The following NHSL1 variants were observed in gnomAD, a reference collection of about 807,000 sequenced individuals.
NHSL1 encodes NHS like 1.
NHSL1 carries 48 observed loss-of-function variants against 95.0 expected under a neutral mutation model. The observed-to-expected ratio is 0.51, with a 90% CI of 0.40 to 0.64. NHSL1 has a LOEUF of 0.64. Ranked by LOEUF, NHSL1 falls within the 30% of genes least tolerant of loss-of-function variation. NHSL1 has a pLI of 0.00. For synonymous variants in NHSL1, 783 were observed against 833.9 expected (o/e 0.94, Z 1.05); for missense variants, 1,971 against 2,077.7 (o/e 0.95, Z 1.00).
intron 1 of NHSL1, among the ~76,000 whole-genome samples, chr6:138,670,957 C>T (rs7745611): frequency 0.47 from 71,108 of 151,664 alleles, 18,364 homozygotes; most frequent in African/African-American, 0.69. Flanking sequence ...GAGTTCAAGA[C>T]GAGCAACACA....
chr6:138,510,049 T>C (rs1277580001), intron 1 of NHSL1, among the ~76,000 whole-genome samples: 1 of 152,174 alleles, frequency 6.6e-6, no homozygotes, highest in Non-Finnish European at 1.5e-5. Context: ...TGAAGGCAAA[T>C]CAGATTTATC....
At chr6:138,650,645 TTCCCA>T (rs1785079334) in intron 1 of NHSL1, 1 of 568,004 alleles carries the variant, frequency 1.8e-6, no homozygotes, top group Non-Finnish European at 3.5e-6. Context: ...TATCCTTGGC[TTCCCA>T]TCCCACAAAC....
chr6:138,458,530 T>C (rs552732601), intron 3 of NHSL1, among the ~76,000 whole-genome samples: 3 of 151,952 alleles, frequency 2.0e-5, no homozygotes, highest in Admixed American at 2.0e-4. Context: ...CCATCTCTAC[T>C]AAAAGTACAA....
chr6:138,675,424 G>A (rs776571986), intron 1 of NHSL1, among the ~76,000 whole-genome samples: 16 of 152,170 alleles, frequency 1.1e-4, no homozygotes, highest in Non-Finnish European at 2.1e-4. Flanking sequence ...GACGAGGTCA[G>A]GGTCACACAG....
intron 1 of NHSL1, among the ~76,000 whole-genome samples, chr6:138,674,180 T>C (rs1235820294): frequency 6.6e-6 from 1 of 152,178 alleles, no homozygotes; most frequent in Non-Finnish European, 1.5e-5. Flanking sequence ...ATATCCTTTA[T>C]TAGGTAAAAA....
At chr6:138,493,762 A>C (rs943977129) in intron 2 of NHSL1, among the ~76,000 whole-genome samples, 1 of 152,246 alleles carries the variant, frequency 6.6e-6, no homozygotes, top group Non-Finnish European at 1.5e-5. Context: ...CAATTTACTA[A>C]AGATAAATCA....
chr6:138,456,721 A>T (rs1465425212), intron 3 of NHSL1, among the ~76,000 whole-genome samples: 1 of 152,198 alleles, frequency 6.6e-6, no homozygotes, highest in Non-Finnish European at 1.5e-5. Flanking sequence ...GTATTTTCGC[A>T]CTGATAACTG....
intron 5 of NHSL1, among the ~76,000 whole-genome samples, chr6:138,435,732 G>GT: frequency 6.8e-6 from 1 of 146,568 alleles, no homozygotes; most frequent in African/African-American, 2.5e-5. Context: ...TTGTTTTTTT[G>GT]TTTTTGTTTT....
At position 138,473,346 on chromosome 6, in the gene NHSL1, C is replaced by A; in HGVS notation, c.299G>T (p.Cys100Phe). The A allele has an allele frequency of 5.2e-6, 8 of 1,548,006 alleles. No homozygotes were observed. Among genetic ancestry groups the A allele is most frequent in the Non-Finnish European group, 7.0e-6 (8 of 1,145,630 alleles). Residue 100 changes from cysteine to phenylalanine, a missense_variant, in exon 3 of 8, where the codon TGT becomes TTT. Cys to Phe is a radical substitution (Grantham distance 205). Around this residue, in one of 3 missense-constraint regions of NHSL1, gnomAD observed 1,602 missense variants for 1,654.5 expected, o/e 0.97. Coordinates refer to ENST00000343505, the MANE Select transcript of NHSL1 (RefSeq NM_001144060.2). ...PTFAANASPF[C>F]DDYQDEDEET... The stretch of plus-strand genomic sequence containing the variant: ...TTCATCTTCATCTTGGTAATCATCA[C>A]AGAATGGGCTGGCGTTGGCCGCAAA...
At chr6:138,466,321 G>A (rs939364488) in intron 3 of NHSL1, among the ~76,000 whole-genome samples, 3 of 152,096 alleles carry the variant, frequency 2.0e-5, no homozygotes, top group African/African-American at 4.8e-5. Flanking sequence ...GATTACAGGC[G>A]TGAGCCACCA....
At chr6:138,674,783 C>T (rs574462193) in intron 1 of NHSL1, among the ~76,000 whole-genome samples, 24 of 152,104 alleles carry the variant, frequency 1.6e-4, no homozygotes, top group Non-Finnish European at 2.8e-4. Flanking sequence ...TGAACATATG[C>T]GTGCATGTAT....
intron 1 of NHSL1, among the ~76,000 whole-genome samples, chr6:138,507,587 G>T (rs1453964416): frequency 6.6e-6 from 1 of 152,142 alleles, no homozygotes; most frequent in South Asian, 2.1e-4. Flanking sequence ...GCATAATGAG[G>T]TAAACAGAAA....
chr6:138,589,766 T>C (rs748006985), intron 1 of NHSL1, among the ~76,000 whole-genome samples: 9 of 151,764 alleles, frequency 5.9e-5, no homozygotes, highest in Non-Finnish European at 8.8e-5. Context: ...TCTGATCCTC[T>C]ACATCAGACA....
chr6:138,438,485 T>C (rs1357535184), intron 5 of NHSL1, among the ~76,000 whole-genome samples: 1 of 152,216 alleles, frequency 6.6e-6, no homozygotes, highest in Non-Finnish European at 1.5e-5. Flanking sequence ...TGTAGTGGTC[T>C]GGAACTATAG....
chr6:138,429,546 C>T lies in NHSL1; in HGVS notation c.4085+165G>A, dbSNP rs554980670. Among the ~76,000 whole-genome samples, 4 of 152,146 alleles carry T rather than the reference C, an allele frequency of 2.6e-5. No individual in the cohort carries two copies. In the South Asian group the frequency reaches 6.2e-4, roughly 24 times the overall value. ...GACAAAGTAAAACAGAAATTGGAGC[C>T]AGAGGAAATAAAACTGTAGAAACCC... On this transcript the variant is annotated intron_variant, in intron 7 of 7. Transcript: ENST00000343505.
intron 5 of NHSL1, among the ~76,000 whole-genome samples, chr6:138,438,979 G>T (rs1464459836): frequency 2.0e-5 from 3 of 151,942 alleles, no homozygotes; most frequent in Non-Finnish European, 4.4e-5. Flanking sequence ...TAAGATAAAA[G>T]AAAAAATTCA....
At chr6:138,483,682 T>A (rs888064514) in intron 2 of NHSL1, among the ~76,000 whole-genome samples, 1 of 152,156 alleles carries the variant, frequency 6.6e-6, no homozygotes, top group Non-Finnish European at 1.5e-5. Flanking sequence ...ATCAGATGGA[T>A]CCATTTCAAA....
At chr6:138,460,394 T>C (rs772483710) in intron 3 of NHSL1, among the ~76,000 whole-genome samples, 50 of 152,134 alleles carry the variant, frequency 3.3e-4, no homozygotes, top group Non-Finnish European at 5.9e-4. Context: ...TCTGTATCTG[T>C]GCATTAAACC....
chr6:138,525,909 C>T (rs1415777027), intron 1 of NHSL1, among the ~76,000 whole-genome samples: 2 of 151,460 alleles, frequency 1.3e-5, no homozygotes, highest in African/African-American at 2.4e-5. Flanking sequence ...CCAGCCTGGC[C>T]AACATGGTGA....
Sources: allele counts gnomAD v4.1 joint callset (sites outside exome capture counted in the v4.1 genomes callset), GRCh38; gene constraint gnomAD v4.1.1; regional missense constraint gnomAD v4.1.1; transcripts MANE v1.5; gene names NCBI Gene and HGNC (gene_info 2026-07-23, HGNC 2026-07-21).